Variants in PTH2R observed in about 807,000 individuals in gnomAD.
PTH2R encodes PTH2 receptor.
PTH2R carries 59 observed loss-of-function variants against 60.3 expected under a neutral mutation model. That is an observed-to-expected ratio of 0.98 (90% confidence interval 0.79 to 1.22). PTH2R has a LOEUF of 1.22. Among genes scored for constraint, PTH2R ranks in the 50% most tolerant of loss-of-function variants. The pLI is 0.00. For missense variants in PTH2R, 749 were observed against 682.6 expected (o/e 1.10, Z -1.08); for synonymous variants, 256 against 243.8 (o/e 1.05, Z -0.47).
At chr2:208,486,381 T>C (rs1703273679) in intron 10 of PTH2R, among the ~76,000 whole-genome samples, 1 of 152,208 alleles carries the variant, frequency 6.6e-6, no homozygotes, top group Admixed American at 6.5e-5. Flanking sequence ...TTTGGTTGCC[T>C]AAAGCAAATT....
intron 1 of PTH2R, among the ~76,000 whole-genome samples, chr2:208,377,553 C>T (rs1427077448): frequency 1.4e-5 from 2 of 147,638 alleles, no homozygotes; most frequent in African/African-American, 5.2e-5. Flanking sequence ...GGCTGACCCC[C>T]CACCTGCCTC....
chr2:208,423,981 T>A (rs1482537127), intron 1 of PTH2R, among the ~76,000 whole-genome samples: 1 of 152,162 alleles, frequency 6.6e-6, no homozygotes, highest in Non-Finnish European at 1.5e-5. Flanking sequence ...CTGACACCTA[T>A]GGTGGGCTGC....
chr2:208,463,493 C>T (rs1702673077), intron 9 of PTH2R, among the ~76,000 whole-genome samples: 1 of 152,106 alleles, frequency 6.6e-6, no homozygotes, highest in Non-Finnish European at 1.5e-5. Flanking sequence ...TTTTATGGTA[C>T]AGGCTGGCCT....
chr2:208,370,232 A>G (rs1700669216), intron 1 of PTH2R, among the ~76,000 whole-genome samples: 1 of 151,988 alleles, frequency 6.6e-6, no homozygotes, highest in Non-Finnish European at 1.5e-5. Context: ...TCATGAGGTC[A>G]GGGGATCGAG....
At chr2:208,363,926 G>C (rs557984078) in intron 1 of PTH2R, among the ~76,000 whole-genome samples, 1 of 152,238 alleles carries the variant, frequency 6.6e-6, no homozygotes, top group African/African-American at 2.4e-5. Context: ...TTTGTCAAAT[G>C]CATAGTTTGT....
intron 1 of PTH2R, among the ~76,000 whole-genome samples, chr2:208,391,486 T>G (rs1444129226): frequency 1.3e-5 from 2 of 152,126 alleles, no homozygotes; most frequent in African/African-American, 2.4e-5. Flanking sequence ...ACATACAGAT[T>G]GAAGGACTCC....
chr2:208,432,897 A>G (rs1444997796), intron 2 of PTH2R, among the ~76,000 whole-genome samples: 2 of 152,156 alleles, frequency 1.3e-5, no homozygotes, highest in Non-Finnish European at 2.9e-5. Context: ...GCCCACCCTC[A>G]ATGAGGGTCC....
At chr2:208,401,904 T>C (rs1701317079), upstream of PTH2R, among the ~76,000 whole-genome samples, 1 of 152,186 alleles carries the variant, frequency 6.6e-6, no homozygotes, top group African/African-American at 2.4e-5. Context: ...TTAGAGGTTG[T>C]CCCCTTACAC....
At chr2:208,417,733 G>C (rs1454260241) in intron 1 of PTH2R, among the ~76,000 whole-genome samples, 1 of 151,432 alleles carries the variant, frequency 6.6e-6, no homozygotes, top group African/African-American at 2.4e-5. Context: ...GGGAATCTAT[G>C]GTCTAACAGG....
At chr2:208,482,605 T>G (rs965484348) in intron 10 of PTH2R, among the ~76,000 whole-genome samples, 3 of 152,202 alleles carry the variant, frequency 2.0e-5, no homozygotes, top group African/African-American at 7.2e-5. Flanking sequence ...CATAACCTAT[T>G]ATTAGCAAGA....
intron 1 of PTH2R, among the ~76,000 whole-genome samples, chr2:208,371,342 C>T (rs1417444509): frequency 3.9e-5 from 6 of 152,052 alleles, no homozygotes; most frequent in Admixed American, 1.3e-4. Flanking sequence ...TTCCAGACAG[C>T]GAGGTGACAG....
chr2:208,400,425 G>T (rs750767579), intron 1 of PTH2R, among the ~76,000 whole-genome samples: 7 of 152,164 alleles, frequency 4.6e-5, no homozygotes, highest in Admixed American at 2.6e-4. Context: ...ATGTCCTTCG[G>T]TGGAGTATTC....
At position 208,443,456 on chromosome 2, in the gene PTH2R, A is replaced by G. The variant is rs1349295088; in HGVS notation, c.618A>G (p.Gly206=). The G allele has an allele frequency of 5.0e-6, 8 of 1,613,926 alleles. No homozygotes were observed. The highest frequency in any genetic ancestry group is 3.3e-5 in the Admixed American group (2 of 59,994). Residue 206 remains glycine, a synonymous_variant, in exon 6 of 13, where the codon GGA becomes GGG. Transcript: ENST00000272847. ...VKDRVVHAHI[G]VKELESLIMQ... is the part of the protein sequence containing the mutation. Reference sequence around the variant, plus strand: ...ACAGAGTAGTCCATGCTCACATAGGAGTAAAGGAGCTGGAGTCCCTAATAA... The same window carrying G: ...ACAGAGTAGTCCATGCTCACATAGGGGTAAAGGAGCTGGAGTCCCTAATAA...
intron 10 of PTH2R, among the ~76,000 whole-genome samples, chr2:208,486,585 T>A (rs1471084728): frequency 6.6e-6 from 1 of 151,862 alleles, no homozygotes; most frequent in Non-Finnish European, 1.5e-5. Flanking sequence ...GGAGGAAATA[T>A]AATTTTTGTT....
chr2:208,467,260 GTTTTC>G (rs1157793681), intron 9 of PTH2R, among the ~76,000 whole-genome samples: 1 of 152,042 alleles, frequency 6.6e-6, no homozygotes, highest in Non-Finnish European at 1.5e-5. Flanking sequence ...GTGGGAGCAA[GTTTTC>G]TTTTCTTTTC....
rs1162405174 is a variant in PTH2R at position 208,365,942 on chromosome 2, ATATATATATATATATATATTTTTTT to A, written c.-259+5707_-259+5731del. Among the ~76,000 whole-genome samples the A allele has an allele frequency of 2.8e-3, 41 of 14,708 alleles. 1 individual carries two copies. Among genetic ancestry groups the A allele is most frequent in the African/African-American group, 6.4e-3 (38 of 5,898 alleles). The allele number at this position is 14,708 out of a possible 152,430, so 9.6% of individuals were successfully genotyped here. A position where few individuals can be genotyped will look rare whatever the true frequency, so the allele number is the denominator to read the frequency against. On this transcript the variant is annotated intron_variant, in intron 1 of 12. Transcript: ENST00000617735. ...ATATAATAGATAAATATATATATATATATATATATATATATATATTTTTTTTTTTTTTTTTTTTTTTTTTTTTTTT... is the reference window on the plus strand; with the variant it reads ...ATATAATAGATAAATATATATATATATTTTTTTTTTTTTTTTTTTTTTTTT...
At chr2:208,419,901 A>G (rs937954991) in intron 1 of PTH2R, among the ~76,000 whole-genome samples, 1 of 152,180 alleles carries the variant, frequency 6.6e-6, no homozygotes, top group African/African-American at 2.4e-5. Context: ...TCCAACAATG[A>G]TAGACTGGAT....
At chr2:208,478,292 C>T (rs893659325) in intron 9 of PTH2R, among the ~76,000 whole-genome samples, 1 of 152,030 alleles carries the variant, frequency 6.6e-6, no homozygotes, top group African/African-American at 2.4e-5. Context: ...TGCGTTTGTT[C>T]TCTTACAGTT....
At chr2:208,379,021 G>C (rs528261431) in intron 1 of PTH2R, among the ~76,000 whole-genome samples, 1 of 152,014 alleles carries the variant, frequency 6.6e-6, no homozygotes, top group African/African-American at 2.4e-5. Context: ...GTTAACTGAA[G>C]ACACAGTTGA....
Sources: gnomAD v4.1 joint callset for allele counts (sites outside exome capture counted in the v4.1 genomes callset) on GRCh38, gnomAD v4.1.1 for gene constraint, MANE v1.5 for transcripts, NCBI Gene and HGNC (gene_info 2026-07-23, HGNC 2026-07-21) for gene names.